The following APPL1 variants were observed in gnomAD, a reference collection of about 807,000 sequenced individuals.
APPL1 encodes the protein adaptor protein, phosphotyrosine interacting with PH domain and leucine zipper 1.
A neutral mutation model predicts 106.8 loss-of-function variants in APPL1; 42 were observed. The ratio of observed to expected loss-of-function variants is 0.39; its 90% CI spans 0.31 to 0.51. The LOEUF is 0.51. Among genes scored for constraint, APPL1 ranks in the 20% least tolerant of loss-of-function variants. APPL1 has a pLI of 0.75. For synonymous variants in APPL1, 263 were observed against 281.8 expected (o/e 0.93, Z 0.67); for missense variants, 769 against 858.2 (o/e 0.90, Z 1.30).
chr3:57,258,657 T>C (rs577404663), intron 15 of APPL1: 48 of 167,296 alleles, frequency 2.9e-4, no homozygotes, highest in Non-Finnish European at 5.2e-4. Flanking sequence ...AAAAGAAGTT[T>C]TTACAATTCC....
At chr3:57,233,164 G>GT (rs935980007) in intron 1 of APPL1, among the ~76,000 whole-genome samples, 4 of 152,136 alleles carry the variant, frequency 2.6e-5, no homozygotes, top group Non-Finnish European at 5.9e-5. Flanking sequence ...TAAATATAAG[G>GT]TAAAAAATTC....
intron 7 of APPL1, among the ~76,000 whole-genome samples, chr3:57,245,140 G>A (rs1440381005): frequency 2.0e-5 from 3 of 152,152 alleles, no homozygotes; most frequent in African/African-American, 7.2e-5. Context: ...GAAGGTGAGA[G>A]GGAGGAGATA....
Position 57,273,033 on chromosome 3 carries a change from A to C in APPL1, c.*3346A>C, listed in dbSNP as rs1195473000. 2 of 152,634 alleles carry C rather than the reference A, an allele frequency of 1.3e-5. No homozygotes were observed. The highest frequency in any genetic ancestry group is 3.8e-4 in the East Asian group (2 of 5,196). The allele number at this position is 152,634 out of a possible 1,614,324, so 9.5% of individuals were successfully genotyped here. A position where few individuals can be genotyped will look rare whatever the true frequency, so the allele number is the denominator to read the frequency against. On this transcript the variant is annotated 3_prime_UTR_variant, in exon 22 of 22. Coordinates refer to ENST00000288266, the MANE Select transcript of APPL1 (RefSeq NM_012096.3). Reference sequence around the variant, plus strand: ...GTTTGGTTTACTCTTCTCCCATGAGATTTTGTCTTTCTACATTAACTAGTA... The same window carrying C: ...GTTTGGTTTACTCTTCTCCCATGAGCTTTTGTCTTTCTACATTAACTAGTA...
At chr3:57,231,338 C>CAAAAAAAAAAAAA (rs71088043) in intron 1 of APPL1, among the ~76,000 whole-genome samples, 1 of 72,234 alleles carries the variant, frequency 1.4e-5, no homozygotes, top group African/African-American at 6.3e-5. Flanking sequence ...GACTCCGTCT[C>CAAAAAAAAAAAAA]AAAAAAAAAA....
At chr3:57,231,649 A>G (rs1036524251) in intron 1 of APPL1, among the ~76,000 whole-genome samples, 1 of 151,766 alleles carries the variant, frequency 6.6e-6, no homozygotes, top group African/African-American at 2.4e-5. Flanking sequence ...CATCTCTACA[A>G]AAAATAAAAT....
intron 12 of APPL1, among the ~76,000 whole-genome samples, chr3:57,253,438 A>G (rs111827553): frequency 6.6e-6 from 1 of 151,978 alleles, no homozygotes; most frequent in African/African-American, 2.4e-5. Flanking sequence ...TTTAAATAAT[A>G]AAAATGTTGA....
intron 18 of APPL1, chr3:57,260,400 A>G (rs937612910): frequency 5.5e-6 from 3 of 547,552 alleles, no homozygotes; most frequent in Admixed American, 7.6e-5. Context: ...ACTTTGTAAA[A>G]TGTGTTAATG....
Position 57,246,325 on chromosome 3 carries a change from C to G in APPL1, c.621+103C>G, listed in dbSNP as rs1173664154. 44 of 828,604 alleles carry G rather than the reference C, an allele frequency of 5.3e-5. No homozygotes were observed. In the East Asian group the frequency reaches 1.3e-3, roughly 25 times the overall value. 51.3% of individuals were successfully genotyped at this position (828,604 alleles called of 1,614,324 possible). Reference sequence around the variant, plus strand: ...GGTATTATAAACTATTTTCAACATCCTTGTTTATGTCTGTGTTTTAAGAAG... The same window carrying G: ...GGTATTATAAACTATTTTCAACATCGTTGTTTATGTCTGTGTTTTAAGAAG... On this transcript the variant is annotated intron_variant, in intron 8 of 21. Coordinates refer to ENST00000288266, the MANE Select transcript of APPL1 (RefSeq NM_012096.3).
chr3:57,267,889 C>T (rs1170613271), intron 20 of APPL1, 97 bp downstream of exon 20: 6 of 1,237,478 alleles, frequency 4.8e-6, no homozygotes, highest in South Asian at 1.2e-5. Flanking sequence ...GTCAGGAGTT[C>T]GAGACTAACC....
In APPL1 at chr3:57,267,745, T is replaced by A. The variant is rs1430471765; in HGVS notation, c.1846T>A (p.Cys616Ser). 1.2e-6 allele frequency: 2 copies of A among 1,613,844 alleles called. No individual in the cohort carries two copies. The highest frequency in any genetic ancestry group is 2.7e-5 in the African/African-American group (2 of 74,918). The change falls in exon 20 of 22, where the codon TGT (cysteine) becomes AGT (serine). Residue 616 changes from cysteine (C) to serine (S), a missense_variant. Physicochemically the swap from Cys to Ser is moderately radical, Grantham distance 112 (BLOSUM62 -1). Transcript: ENST00000288266. ...FESNNEGEKICDSVGLAKQIA... is the reference protein window; with the variant it reads ...FESNNEGEKISDSVGLAKQIA... The stretch of plus-strand genomic sequence containing the variant: ...TTCATACTTTTTCTCTTTTTAGATA[T>A]GTGATTCTGTTGGACTGGCAAAACA...
chr3:57,269,695 C>G lies in APPL1; in HGVS notation c.*8C>G. ...AGAGAATCAGAAGCATAAGCTTATACTTTTGGTAGATATTCCCCCTTGGAA... is the reference window on the plus strand; with the variant it reads ...AGAGAATCAGAAGCATAAGCTTATAGTTTTGGTAGATATTCCCCCTTGGAA... On this transcript the variant is annotated 3_prime_UTR_variant, in exon 22 of 22. Transcript: ENST00000288266. 2 of 1,613,220 alleles carry G rather than the reference C, an allele frequency of 1.2e-6. No individual in the cohort carries two copies. The highest frequency in any genetic ancestry group is 8.5e-7 in the Non-Finnish European group (1 of 1,179,546).
At chr3:57,231,261 C>T (rs1302869027) in intron 1 of APPL1, among the ~76,000 whole-genome samples, 1 of 149,436 alleles carries the variant, frequency 6.7e-6, no homozygotes, top group East Asian at 2.0e-4. Context: ...ATCACTTGAA[C>T]CCGGGAGGCG....
At chr3:57,255,499 G>A (rs2060829944) in intron 13 of APPL1, among the ~76,000 whole-genome samples, 1 of 152,176 alleles carries the variant, frequency 6.6e-6, no homozygotes, top group Non-Finnish European at 1.5e-5. Context: ...GGAAAGAAGA[G>A]TTCTGTTTTT....
intron 9 of APPL1, 35 bp downstream of exon 9, chr3:57,247,512 T>G (rs1236867137): frequency 3.9e-6 from 5 of 1,279,522 alleles, no homozygotes; most frequent in Middle Eastern, 1.9e-4. Flanking sequence ...GAAAATGAAA[T>G]GATGTGAATG....
At chr3:57,232,711 G>A (rs539997956) in intron 1 of APPL1, among the ~76,000 whole-genome samples, 2 of 152,240 alleles carry the variant, frequency 1.3e-5, no homozygotes, top group South Asian at 4.1e-4. Flanking sequence ...GAGTTGAAAA[G>A]TGGTTCATGG....
intron 15 of APPL1, chr3:57,258,718 T>C (rs1490840453): frequency 9.0e-6 from 2 of 222,128 alleles, no homozygotes; most frequent in East Asian, 9.2e-5. Context: ...GTTAAATAAG[T>C]GTTCCTCTGT....
intron 1 of APPL1, among the ~76,000 whole-genome samples, chr3:57,234,296 C>CTTTTTT (rs1212693146): frequency 1.6e-5 from 2 of 124,186 alleles, no homozygotes; most frequent in African/African-American, 3.2e-5. Flanking sequence ...TATTGACATT[C>CTTTTTT]TTTTTTTTTT....
chr3:57,230,714 AAT>A (rs1190421841), intron 1 of APPL1: 1 of 444,176 alleles, frequency 2.3e-6, no homozygotes, highest in Non-Finnish European at 4.6e-6. Flanking sequence ...TTTTATCTAG[AAT>A]AGAGTCCAAG....
rs2107607262 is a variant in APPL1, at chr3:57,257,366, C to T, written c.1368C>T (p.Asp456=). 2 of 1,614,110 alleles carry T rather than the reference C, an allele frequency of 1.2e-6. No homozygotes were observed. The highest frequency in any genetic ancestry group is 1.1e-5 in the South Asian group (1 of 91,064). Reference sequence around the variant, plus strand: ...CCCCAGACACCCCAATACAGTTTGACATAATTTCTCCTGTGTGTGAAGATC... The same window carrying T: ...CCCCAGACACCCCAATACAGTTTGATATAATTTCTCCTGTGTGTGAAGATC... ...LVAPDTPIQF[D]IISPVCEDQP... is the part of the protein sequence containing the mutation. The change falls in exon 15 of 22, where the codon GAC becomes GAT. Residue 456 remains aspartate (D), a synonymous_variant. Transcript: ENST00000288266.
Sources: allele counts gnomAD v4.1 joint callset (sites outside exome capture counted in the v4.1 genomes callset), GRCh38; gene constraint gnomAD v4.1.1; transcripts MANE v1.5; gene names NCBI Gene and HGNC (gene_info 2026-07-23, HGNC 2026-07-21).